The following CFAP43 variants were observed in gnomAD, a reference collection of about 807,000 sequenced individuals.
The protein encoded by CFAP43 is cilia- and flagella-associated protein 43.
Under a neutral mutation model 218.9 loss-of-function variants are expected in CFAP43, and 155 were observed. The observed-to-expected ratio is 0.71, with a 90% CI of 0.62 to 0.81. The LOEUF (loss-of-function observed/expected upper bound fraction) is 0.81. Ranked by LOEUF, CFAP43 falls within the 30% of genes least tolerant of loss-of-function variation. The probability of loss-of-function intolerance (pLI) is 0.00; values close to 1 mark genes in which losing one functional copy is unlikely to be tolerated. For synonymous variants in CFAP43, 645 were observed against 681.3 expected (o/e 0.95, Z 0.83); for missense variants, 1,778 against 1,954.3 (o/e 0.91, Z 1.70).
intron 19 of CFAP43, among the ~76,000 whole-genome samples, chr10:104,175,328 G>A (rs1246076322): frequency 1.3e-5 from 2 of 152,104 alleles, no homozygotes; most frequent in African/African-American, 2.4e-5. Flanking sequence ...GGAAGGATGA[G>A]GTGAGAGGAA....
At chr10:104,231,232 AGTTT>A (rs2091440677) in intron 1 of CFAP43, among the ~76,000 whole-genome samples, 1 of 152,224 alleles carries the variant, frequency 6.6e-6, no homozygotes, top group African/African-American at 2.4e-5. Context: ...TTTTATAATT[AGTTT>A]GATTTTTTTA....
chr10:104,134,270 C>T (rs913094196), intron 34 of CFAP43, among the ~76,000 whole-genome samples: 23 of 151,976 alleles, frequency 1.5e-4, no homozygotes, highest in African/African-American at 5.1e-4. Flanking sequence ...TAGTGGTGCA[C>T]GCCTGTGGTC....
intron 7 of CFAP43, 143 bp from the exon 8 acceptor site, chr10:104,203,946 C>T (rs1006229742): frequency 1.1e-5 from 7 of 663,616 alleles, no homozygotes; most frequent in South Asian, 4.6e-5. Context: ...GCACTGTCCT[C>T]TCATCTTTAT....
chr10:104,190,860 C>A (rs2090187737), intron 12 of CFAP43, among the ~76,000 whole-genome samples: 1 of 152,186 alleles, frequency 6.6e-6, no homozygotes, highest in Admixed American at 6.5e-5. Flanking sequence ...CTGGGCTCTG[C>A]CACTAACTAG....
intron 27 of CFAP43, among the ~76,000 whole-genome samples, chr10:104,155,827 C>G (rs1482593494): frequency 6.6e-6 from 1 of 151,138 alleles, no homozygotes; most frequent in Non-Finnish European, 1.5e-5. Flanking sequence ...TGCTGGGTAT[C>G]TGAGGAACAG....
At chr10:104,197,812 G>C in intron 9 of CFAP43, 110 bp downstream of exon 9, 1 of 737,220 alleles carries the variant, frequency 1.4e-6, no homozygotes, top group South Asian at 1.8e-5. Context: ...TGTTCGCATT[G>C]CTTTGCCCAT....
rs768344738 is a variant in CFAP43 at position 104,147,916 on chromosome 10, T to C, written c.3743A>G (p.Tyr1248Cys). The change falls in exon 29 of 38, where the codon TAC (tyrosine) becomes TGC (cysteine). Residue 1248 changes from tyrosine (Y) to cysteine (C), a missense_variant. Transcript: ENST00000357060. The part of the protein sequence containing the change: ...LSSREKFLNN[Y>C]LTRKQHEKSQ... The stretch of plus-strand genomic sequence containing the variant: ...TTTCTCGTGCTGTTTCCTTGTAAGG[T>C]AGTTGTTCAGGAATTTTTCTCTAGA... 1.2e-6 allele frequency: 2 copies of C among 1,600,432 alleles called. No homozygotes were observed. The highest frequency in any genetic ancestry group is 2.2e-5 in the South Asian group (2 of 89,068).
At chr10:104,145,992 T>G (rs2087947665) in intron 30 of CFAP43, among the ~76,000 whole-genome samples, 1 of 152,232 alleles carries the variant, frequency 6.6e-6, no homozygotes, top group African/African-American at 2.4e-5. Flanking sequence ...TAATGGGGTC[T>G]GCAACCTAAA....
intron 2 of CFAP43, among the ~76,000 whole-genome samples, chr10:104,229,326 G>A (rs539481370): frequency 6.6e-6 from 1 of 152,208 alleles, no homozygotes; most frequent in Non-Finnish European, 1.5e-5. Flanking sequence ...CAGCAGACGT[G>A]CAGCAGCTCA....
intron 22 of CFAP43, 52 bp downstream of exon 22, chr10:104,167,569 T>C: frequency 7.2e-7 from 1 of 1,389,018 alleles, no homozygotes; most frequent in Non-Finnish European, 9.7e-7. Flanking sequence ...CAAAGGAGAC[T>C]CTAAAATAAA....
intron 26 of CFAP43, 100 bp from the exon 27 acceptor site, chr10:104,161,262 C>T (rs573731783): frequency 2.4e-4 from 310 of 1,269,918 alleles, no homozygotes; most frequent in Non-Finnish European, 3.2e-5. Flanking sequence ...TAAAAGGATA[C>T]AGTCCTTCAC....
At chr10:104,228,029 A>C (rs1321560070) in intron 2 of CFAP43, among the ~76,000 whole-genome samples, 1 of 151,624 alleles carries the variant, frequency 6.6e-6, no homozygotes, top group East Asian at 1.9e-4. Flanking sequence ...TTTTTAGTAA[A>C]GATGGGGTTT....
chr10:104,194,087 G>A (rs2090315782), intron 10 of CFAP43, 73 bp from the exon 11 acceptor site: 8 of 1,534,708 alleles, frequency 5.2e-6, no homozygotes, highest in Middle Eastern at 1.7e-4. Flanking sequence ...CTATTATACA[G>A]TGTACTTGAA....
chr10:104,162,555 G>A, intron 24 of CFAP43, 152 bp from the exon 25 acceptor site: 1 of 657,786 alleles, frequency 1.5e-6, no homozygotes. Context: ...AATAAGATGA[G>A]GTCTAAAATG....
chr10:104,201,602 A>G (rs2090534803), intron 8 of CFAP43, among the ~76,000 whole-genome samples: 2 of 151,420 alleles, frequency 1.3e-5, no homozygotes, highest in South Asian at 2.1e-4. Flanking sequence ...TATTCTATAT[A>G]CCCTGCTCTG....
intron 19 of CFAP43, among the ~76,000 whole-genome samples, chr10:104,176,757 T>G (rs1377804656): frequency 6.6e-6 from 1 of 152,236 alleles, no homozygotes; most frequent in East Asian, 1.9e-4. Context: ...GGTCTCTGAA[T>G]GACTGCATGG....
At chr10:104,154,119 C>A (rs1053037665) in intron 27 of CFAP43, among the ~76,000 whole-genome samples, 5 of 152,072 alleles carry the variant, frequency 3.3e-5, no homozygotes, top group Non-Finnish European at 7.4e-5. Flanking sequence ...TTAGTTTTTC[C>A]ATTTGTAATT....
Position 104,187,334 on chromosome 10 carries a change from G to C in CFAP43, c.1846C>G (p.Leu616Val). The C allele has an allele frequency of 6.3e-7, 1 of 1,592,810 alleles. No homozygotes were observed. Among genetic ancestry groups the C allele is most frequent in the Non-Finnish European group, 8.5e-7 (1 of 1,174,302 alleles). ...CSQVPYICSY[L>V]LPEEEHTGIY... ...TGTTGACATACTTCTTCAGGAAGAAGGTAGCTACAGATGTATGGCACTTGA... is the reference window on the plus strand; with the variant it reads ...TGTTGACATACTTCTTCAGGAAGAACGTAGCTACAGATGTATGGCACTTGA... The change falls in exon 14 of 38, where the codon CTT becomes GTT. Residue 616 changes from leucine (L) to valine (V), a missense_variant. By Grantham distance (32) the Leu-to-Val change is conservative (BLOSUM62 1). Transcript: ENST00000357060.
At chr10:104,184,332 G>T (rs983241244) in intron 16 of CFAP43, among the ~76,000 whole-genome samples, 2 of 152,016 alleles carry the variant, frequency 1.3e-5, no homozygotes, top group African/African-American at 4.8e-5. Context: ...GAAAGTGTGT[G>T]TATATATACA....
Sources: allele counts gnomAD v4.1 joint callset (sites outside exome capture counted in the v4.1 genomes callset), GRCh38; gene constraint gnomAD v4.1.1; transcripts MANE v1.5; gene names NCBI Gene and HGNC (gene_info 2026-07-23, HGNC 2026-07-21).